Variants in KCNJ6 observed in about 807,000 individuals in gnomAD.
KCNJ6 encodes the protein G protein-activated inward rectifier potassium channel 2.
Under a neutral mutation model 34.2 loss-of-function variants are expected in KCNJ6, and 9 were observed. That is an observed-to-expected ratio of 0.26 (90% CI 0.16 to 0.46). The LOEUF (loss-of-function observed/expected upper bound fraction) is 0.46. Ranked by LOEUF, KCNJ6 falls within the 20% of genes least tolerant of loss-of-function variation. The pLI is 1.00. For synonymous variants in KCNJ6, 196 were observed against 207.1 expected, an observed-to-expected ratio of 0.95 and a Z score of 0.46; for missense variants, 236 against 531.3, an observed-to-expected ratio of 0.44 and a Z score of 5.46.
rs2055498113 is a variant in KCNJ6 at position 37,844,756 on chromosome 21, TCTG to T, written c.-27-4050_-27-4048del. Among the ~76,000 whole-genome samples the T allele has an allele frequency of 1.3e-5, 2 of 152,216 alleles. 1 individual carries two copies. The highest frequency in any genetic ancestry group is 4.1e-4 in the South Asian group (2 of 4,838). Reference sequence around the variant, plus strand: ...AAACTCTGCTGGGCACCAACCAGTCTCTGCTGGCTCCCCTGCTCTTTCTGACCA... The same window carrying T: ...AAACTCTGCTGGGCACCAACCAGTCTCTGGCTCCCCTGCTCTTTCTGACCA... On this transcript the variant is annotated intron_variant, in intron 1 of 3. Coordinates refer to ENST00000609713, the MANE Select transcript of KCNJ6 (RefSeq NM_002240.5).
At chr21:37,846,351 CTCTGTGTGTGTGTG>C (rs1337620954) in intron 1 of KCNJ6, among the ~76,000 whole-genome samples, 2 of 129,968 alleles carry the variant, frequency 1.5e-5, no homozygotes, top group African/African-American at 3.1e-5. Flanking sequence ...GGCTGAGACA[CTCTGTGTGTGTGTG>C]TGTGTGTGTG....
intron 2 of KCNJ6, among the ~76,000 whole-genome samples, chr21:37,747,145 G>T (rs572218829): frequency 6.6e-6 from 1 of 152,192 alleles, no homozygotes; most frequent in Non-Finnish European, 1.5e-5. Context: ...GCCCTGCCAG[G>T]GTTCAGCAGA....
At chr21:37,728,301 A>AG (rs2054865969) in intron 2 of KCNJ6, among the ~76,000 whole-genome samples, 1 of 152,198 alleles carries the variant, frequency 6.6e-6, no homozygotes, top group African/African-American at 2.4e-5. Context: ...GGGCTGGAGC[A>AG]GGGGGATTGG....
intron 2 of KCNJ6, among the ~76,000 whole-genome samples, chr21:37,801,634 T>C (rs1231299412): frequency 6.6e-6 from 1 of 152,164 alleles, no homozygotes; most frequent in African/African-American, 2.4e-5. Flanking sequence ...TTCCCACTTC[T>C]CATCCTCTCC....
intron 3 of KCNJ6, among the ~76,000 whole-genome samples, chr21:37,700,351 A>G (rs2054684560): frequency 6.6e-6 from 1 of 152,182 alleles, no homozygotes; most frequent in African/African-American, 2.4e-5. Flanking sequence ...CCAGGGTTGA[A>G]ATAATCCATG....
chr21:37,903,743 C>CAA (rs541089164), intron 1 of KCNJ6, among the ~76,000 whole-genome samples: 1,150 of 107,454 alleles, frequency 0.011, 21 homozygotes, highest in African/African-American at 0.039. Context: ...CAAAACAAAA[C>CAA]AAAAAAAAAC....
rs202065117 is a variant in KCNJ6, at chr21:37,761,660, T to TGTTGTG, written c.26-46530_26-46529insCACAAC. Among the ~76,000 whole-genome samples, 1,229 of 150,272 alleles carry TGTTGTG rather than the reference T, an allele frequency of 8.2e-3. 18 individuals carry two copies. The highest frequency in any genetic ancestry group is 0.029 in the African/African-American group (1,158 of 40,546). On this transcript the variant is annotated intron_variant, in intron 2 of 3. Coordinates refer to ENST00000609713, the MANE Select transcript of KCNJ6 (RefSeq NM_002240.5). The stretch of plus-strand genomic sequence containing the variant: ...TGTGTTGTGTGTGTATATTTGTGTG[T>TGTTGTG]TGTATGTAGTTTGTGTGTATATTTG...
chr21:37,612,762 TAACA>T lies in KCNJ6; in HGVS notation c.*12393_*12396del, dbSNP rs1487932133. 2 of 140,832 alleles carry T rather than the reference TAACA, an allele frequency of 1.4e-5. No homozygotes were observed. The highest frequency in any genetic ancestry group is 2.6e-5 in the African/African-American group (1 of 38,206). The allele number at this position is 140,832 out of a possible 1,614,324, so 8.7% of individuals were successfully genotyped here. Reference sequence around the variant, plus strand: ...AAAAAAAAGAGTCTAAATACAGACCTAACAAACACTTTTCACAAAAATTAACTCA... The same window carrying T: ...AAAAAAAAGAGTCTAAATACAGACCTAACACTTTTCACAAAAATTAACTCA... On this transcript the variant is annotated 3_prime_UTR_variant, in exon 4 of 4. Coordinates refer to ENST00000609713, the MANE Select transcript of KCNJ6 (RefSeq NM_002240.5).
intron 1 of KCNJ6, among the ~76,000 whole-genome samples, chr21:37,869,991 C>G (rs1225000285): frequency 6.6e-6 from 1 of 152,136 alleles, no homozygotes; most frequent in Non-Finnish European, 1.5e-5. Flanking sequence ...AGAGGGTAGG[C>G]CAAGACAAGG....
chr21:37,848,159 T>C (rs1021950712), intron 1 of KCNJ6, among the ~76,000 whole-genome samples: 1 of 152,090 alleles, frequency 6.6e-6, no homozygotes, highest in African/African-American at 2.4e-5. Context: ...GGAAGGTGCC[T>C]GTGTGAAGAC....
intron 2 of KCNJ6, among the ~76,000 whole-genome samples, chr21:37,828,773 C>T (rs1478480990): frequency 2.6e-5 from 4 of 152,204 alleles, no homozygotes; most frequent in Non-Finnish European, 4.4e-5. Flanking sequence ...GAGGCTGAGG[C>T]TCAGCGCTTC....
At chr21:37,882,282 C>A (rs1485751174) in intron 1 of KCNJ6, among the ~76,000 whole-genome samples, 1 of 152,190 alleles carries the variant, frequency 6.6e-6, no homozygotes, top group Non-Finnish European at 1.5e-5. Context: ...GGTATACAAT[C>A]AATATGTGTG....
intron 2 of KCNJ6, among the ~76,000 whole-genome samples, chr21:37,824,759 G>C (rs2055390751): frequency 6.6e-6 from 1 of 152,130 alleles, no homozygotes; most frequent in Non-Finnish European, 1.5e-5. Flanking sequence ...AGTTTCCTGA[G>C]GGAGGTCGCC....
intron 1 of KCNJ6, among the ~76,000 whole-genome samples, chr21:37,905,470 A>G (rs939356607): frequency 1.3e-5 from 2 of 152,186 alleles, no homozygotes; most frequent in African/African-American, 4.8e-5. Context: ...ATGTAATGGC[A>G]AAACCGCAAT....
At chr21:37,886,810 C>A (rs368600656) in intron 1 of KCNJ6, among the ~76,000 whole-genome samples, 1 of 152,126 alleles carries the variant, frequency 6.6e-6, no homozygotes, top group African/African-American at 2.4e-5. Context: ...GGGCTGGAAT[C>A]GTGACTTTCA....
intron 1 of KCNJ6, among the ~76,000 whole-genome samples, chr21:37,877,608 C>T (rs775830789): frequency 3.9e-5 from 6 of 152,286 alleles, no homozygotes; most frequent in East Asian, 1.9e-4. Flanking sequence ...AACAGGCCAC[C>T]GAGATTTAGA....
chr21:37,682,615 T>A (rs1356896574), intron 3 of KCNJ6, among the ~76,000 whole-genome samples: 3 of 152,056 alleles, frequency 2.0e-5, no homozygotes, highest in Admixed American at 6.5e-5. Context: ...TCCAGGATGA[T>A]CTCATCTTGA....
chr21:37,676,312 C>T (rs57788197), intron 3 of KCNJ6, among the ~76,000 whole-genome samples: 11,575 of 152,250 alleles, frequency 0.076, 1,066 homozygotes, highest in African/African-American at 0.21. Context: ...TCCAGAAGCA[C>T]ATGGTAGGAC....
At position 37,907,259 on chromosome 21, in the gene KCNJ6, A is replaced by G. The variant is rs547609433; in HGVS notation, c.-28+8625T>C. Among the ~76,000 whole-genome samples, 3 of 152,326 alleles carry G rather than the reference A, an allele frequency of 2.0e-5. No homozygotes were observed. The East Asian group carries it at 5.8e-4, about 29-fold the overall frequency. ...TAGTCATGTGATGCTGCTTAGTCAT[A>G]TGATTACTGCATTCCAGACCTGCTC... On this transcript the variant is annotated intron_variant, in intron 1 of 3. Coordinates refer to ENST00000609713, the MANE Select transcript of KCNJ6 (RefSeq NM_002240.5).
Sources: gnomAD v4.1 joint callset for allele counts (sites outside exome capture counted in the v4.1 genomes callset) on GRCh38, gnomAD v4.1.1 for gene constraint, MANE v1.5 for transcripts, NCBI Gene and HGNC (gene_info 2026-07-23, HGNC 2026-07-21) for gene names.